ROR2: variants seen among roughly 807,000 people sequenced by gnomAD.
ROR2 encodes ROR family WNT receptor 2, also known as tyrosine-protein kinase transmembrane receptor ROR2.
A neutral mutation model predicts 74.9 loss-of-function variants in ROR2; 33 were observed. That is an observed-to-expected ratio of 0.44 (90% CI 0.33 to 0.59). The LOEUF is 0.59. Ranked by LOEUF, ROR2 falls within the 20% of genes least tolerant of loss-of-function variation. The pLI, the probability that ROR2 is intolerant of heterozygous loss-of-function variation, is 0.02. For missense variants in ROR2, 1,216 were observed against 1,313.8 expected (o/e 0.93, Z 1.15); for synonymous variants, 586 against 558.7 (o/e 1.05, Z -0.69).
chr9:91,775,607 A>G, intron 2 of ROR2, 134 bp downstream of exon 2: 1 of 795,462 alleles, frequency 1.3e-6, no homozygotes, highest in Non-Finnish European at 2.2e-6. Flanking sequence ...GTGGCATTCC[A>G]CCATACCCAC....
At chr9:91,765,116 T>C (rs1826021659) in intron 2 of ROR2, among the ~76,000 whole-genome samples, 1 of 152,228 alleles carries the variant, frequency 6.6e-6, no homozygotes, top group South Asian at 2.1e-4. Context: ...CAGTATTTCA[T>C]AAAATATTAA....
rs139672574 is a variant in ROR2 at position 91,733,093 on chromosome 9, G to A, written c.937+29C>T. ...GGGCCCTACACTCCCTGCGCCCCCC[G>A]GTCCCGCCCCGGGCCCTCGGGCACT... On this transcript the variant is annotated intron_variant, in intron 6 of 8. Transcript: ENST00000375708. The surrounding 1 kb of genome is among the most constrained non-coding windows in gnomAD (Gnocchi z 5.7). 9,081 of 1,559,912 alleles carry A rather than the reference G, an allele frequency of 5.8e-3. 46 individuals carry two copies. Among genetic ancestry groups the A allele is most frequent in the Non-Finnish European group, 6.7e-3 (7,696 of 1,155,700 alleles).
chr9:91,819,110 G>A (rs901022662), intron 1 of ROR2, among the ~76,000 whole-genome samples: 4 of 152,272 alleles, frequency 2.6e-5, no homozygotes, highest in Admixed American at 1.3e-4. Context: ...CCACAGTGGC[G>A]TGAATGGACT....
At position 91,760,604 on chromosome 9, in the gene ROR2, G is replaced by A. The variant is rs371807886; in HGVS notation, c.176-3045C>T. Among the ~76,000 whole-genome samples the A allele has an allele frequency of 2.4e-3, 368 of 151,058 alleles. 1 individual carries two copies. Among genetic ancestry groups the A allele is most frequent in the African/African-American group, 7.8e-3 (322 of 41,190 alleles). ...AGCCGAGATCGCGCCACTGCACTCC[G>A]GCCTGGGTGACAGAGCGAGACTCTG... On this transcript the variant is annotated intron_variant, in intron 2 of 8. Coordinates refer to ENST00000375708, the MANE Select transcript of ROR2 (RefSeq NM_004560.4).
At position 91,785,557 on chromosome 9, in the gene ROR2, T is replaced by C. The variant is rs150560554; in HGVS notation, c.98-9739A>G. Among the ~76,000 whole-genome samples the C allele has an allele frequency of 1.1e-3, 172 of 152,334 alleles. 1 individual carries two copies. Among genetic ancestry groups the C allele is most frequent in the Middle Eastern group, 6.8e-3 (2 of 294 alleles). On this transcript the variant is annotated intron_variant, in intron 1 of 8. Transcript: ENST00000375708. ...GAAAAATATCTGATGAGTAAACAAA[T>C]ACTTTGGTGACCACCATCATGTTCA...
chr9:91,738,647 T>C (rs753643598), intron 4 of ROR2, among the ~76,000 whole-genome samples: 1 of 152,220 alleles, frequency 6.6e-6, no homozygotes, highest in Non-Finnish European at 1.5e-5. Flanking sequence ...TCAAAGGTGA[T>C]GGTAGGGACT....
intron 1 of ROR2, among the ~76,000 whole-genome samples, chr9:91,899,177 G>A (rs78677787): frequency 0.018 from 2,772 of 152,308 alleles, 89 homozygotes; most frequent in African/African-American, 0.064. Context: ...CCCCCAGGGG[G>A]TGCGGGGGAT....
intron 1 of ROR2, among the ~76,000 whole-genome samples, chr9:91,873,543 G>A (rs1379630142): frequency 6.6e-6 from 1 of 152,148 alleles, no homozygotes; most frequent in South Asian, 2.1e-4. Context: ...AGCCAAGATC[G>A]TGCCACTGCA....
Position 91,726,523 on chromosome 9 carries a change from A to C in ROR2, c.1386+18T>G, listed in dbSNP as rs1587657235. 2 of 1,610,456 alleles carry C rather than the reference A, an allele frequency of 1.2e-6. No individual in the cohort carries two copies. Among genetic ancestry groups the C allele is most frequent in the Non-Finnish European group, 1.7e-6 (2 of 1,179,414 alleles). On this transcript the variant is annotated intron_variant, in intron 8 of 8. Coordinates refer to ENST00000375708, the MANE Select transcript of ROR2 (RefSeq NM_004560.4). ...ACCTGGAAGAGCCACCCGGGTAGAA[A>C]ATGTAAGGCATGGAGACCTGTTTGT...
chr9:91,756,447 A>G (rs564716682), intron 3 of ROR2, among the ~76,000 whole-genome samples: 1 of 152,160 alleles, frequency 6.6e-6, no homozygotes, highest in South Asian at 2.1e-4. Flanking sequence ...GGAGTTTTTC[A>G]CAGGTGGGAT....
intron 1 of ROR2, among the ~76,000 whole-genome samples, chr9:91,855,950 A>T (rs1420614798): frequency 1.3e-5 from 2 of 152,146 alleles, no homozygotes; most frequent in African/African-American, 4.8e-5. Flanking sequence ...TGAGCCAGAG[A>T]GGCAGAAATA....
intron 1 of ROR2, among the ~76,000 whole-genome samples, chr9:91,922,458 A>ATT (rs569721605): frequency 0.069 from 10,518 of 151,390 alleles, 658 homozygotes; most frequent in East Asian, 0.21. Flanking sequence ...TAATTTTTTT[A>ATT]TTTTTTATTT....
chr9:91,791,350 G>T (rs976774300), intron 1 of ROR2, among the ~76,000 whole-genome samples: 17 of 152,314 alleles, frequency 1.1e-4, no homozygotes, highest in African/African-American at 4.1e-4. Context: ...TATAGCTGAG[G>T]GGTATAGTAG....
At chr9:91,908,363 G>A (rs528867927) in intron 1 of ROR2, among the ~76,000 whole-genome samples, 2 of 152,328 alleles carry the variant, frequency 1.3e-5, no homozygotes, top group South Asian at 4.1e-4. Context: ...AACTCAGAAG[G>A]CCTTTTAAAA....
intron 1 of ROR2, chr9:91,924,061 A>C (rs1394647148): frequency 6.6e-6 from 1 of 152,478 alleles, no homozygotes; most frequent in East Asian, 1.9e-4. Flanking sequence ...TCTCCACTAC[A>C]ACATTGGCAG....
intron 1 of ROR2, among the ~76,000 whole-genome samples, chr9:91,888,914 T>A (rs545758951): frequency 6.8e-6 from 1 of 147,928 alleles, no homozygotes; most frequent in African/African-American, 2.5e-5. Context: ...AGGTTCTTCC[T>A]TTTTTTTTTC....
At chr9:91,857,037 C>T (rs1217035811) in intron 1 of ROR2, among the ~76,000 whole-genome samples, 1 of 152,232 alleles carries the variant, frequency 6.6e-6, no homozygotes, top group African/African-American at 2.4e-5. Flanking sequence ...AGCCTGTGTT[C>T]ACTCCCATCC....
At chr9:91,789,899 A>C (rs938523815) in intron 1 of ROR2, among the ~76,000 whole-genome samples, 1 of 151,996 alleles carries the variant, frequency 6.6e-6, no homozygotes, top group African/African-American at 2.4e-5. Context: ...GAATGGATTT[A>C]AAAAAAACAC....
At chr9:91,836,778 G>C (rs1171099777) in intron 1 of ROR2, among the ~76,000 whole-genome samples, 1 of 152,188 alleles carries the variant, frequency 6.6e-6, no homozygotes, top group Non-Finnish European at 1.5e-5. Flanking sequence ...GTTTTTCCAG[G>C]CTGCCCAGTT....
Sources: gnomAD v4.1 joint callset for allele counts (sites outside exome capture counted in the v4.1 genomes callset) on GRCh38, gnomAD v4.1.1 for gene constraint, Gnocchi (gnomAD v3.1) non-coding constraint, MANE v1.5 for transcripts, NCBI Gene and HGNC (gene_info 2026-07-23, HGNC 2026-07-21) for gene names.